GRIK1: variants seen among roughly 807,000 people sequenced by gnomAD.
The protein encoded by GRIK1 is glutamate receptor ionotropic, kainate 1.
GRIK1 carries 69 observed loss-of-function variants against 105.7 expected under a neutral mutation model. The ratio of observed to expected loss-of-function variants is 0.65; its 90% CI spans 0.54 to 0.80. GRIK1 has a LOEUF of 0.80. Among genes scored for constraint, GRIK1 ranks in the 30% least tolerant of loss-of-function variants. GRIK1 has a pLI of 0.00. For synonymous variants in GRIK1, 438 were observed against 431.3 expected (o/e 1.02, Z -0.19); for missense variants, 1,109 against 1,167.3 (o/e 0.95, Z 0.73).
intron 1 of GRIK1, among the ~76,000 whole-genome samples, chr21:29,814,828 T>C (rs2145904556): frequency 6.6e-6 from 1 of 152,208 alleles, no homozygotes; most frequent in Non-Finnish European, 1.5e-5. Context: ...TTTCAAATTT[T>C]TTTATAAAGG....
intron 16 of GRIK1, among the ~76,000 whole-genome samples, chr21:29,542,665 A>G (rs1601067464): frequency 6.6e-6 from 1 of 152,220 alleles, no homozygotes; most frequent in African/African-American, 2.4e-5. Flanking sequence ...CTCATTGTAG[A>G]TTTAGCATTT....
In GRIK1 at chr21:29,642,811, G is replaced by A; in HGVS notation, c.1098+15C>T. Reference sequence around the variant, plus strand: ...GCTCAGAAGGGCCCCTGGGCTGTGAGGGAGCATCACTTGCCTCTTTGATCA... The same window carrying A: ...GCTCAGAAGGGCCCCTGGGCTGTGAAGGAGCATCACTTGCCTCTTTGATCA... On this transcript the variant is annotated intron_variant, in intron 7 of 17. Coordinates refer to ENST00000327783, the MANE Select transcript of GRIK1 (RefSeq NM_001330994.2). 5 of 1,613,268 alleles carry A rather than the reference G, an allele frequency of 3.1e-6. No homozygotes were observed. The South Asian group carries it at 3.3e-5, about 11-fold the overall frequency.
At chr21:29,568,018 T>C (rs1168052548) in intron 14 of GRIK1, among the ~76,000 whole-genome samples, 2 of 152,216 alleles carry the variant, frequency 1.3e-5, no homozygotes, top group Non-Finnish European at 2.9e-5. Flanking sequence ...AAAAAATTTA[T>C]GGATTCCCTT....
intron 1 of GRIK1, among the ~76,000 whole-genome samples, chr21:29,918,909 T>C (rs1484183936): frequency 6.6e-6 from 1 of 151,976 alleles, no homozygotes; most frequent in Non-Finnish European, 1.5e-5. Flanking sequence ...GGCATATTCA[T>C]AGAAGGTGAC....
chr21:29,596,740 G>T lies in GRIK1; in HGVS notation c.1207-170C>A, dbSNP rs1043215001. 11 of 617,686 alleles carry T rather than the reference G, an allele frequency of 1.8e-5. 1 individual carries two copies. The highest frequency in any genetic ancestry group is 1.5e-4 in the African/African-American group (8 of 54,400). The allele number at this position is 617,686 out of a possible 1,614,324, so 38.3% of individuals were successfully genotyped here. On this transcript the variant is annotated intron_variant, in intron 8 of 17. Coordinates refer to ENST00000327783, the MANE Select transcript of GRIK1 (RefSeq NM_001330994.2). Reference sequence around the variant, plus strand: ...AGCCTGACAATAGGTACAGCAAAGAGACGAATCAAGACTTGGGTCTCACAG... The same window carrying T: ...AGCCTGACAATAGGTACAGCAAAGATACGAATCAAGACTTGGGTCTCACAG...
chr21:29,771,042 A>G (rs2065800406), intron 1 of GRIK1, among the ~76,000 whole-genome samples: 1 of 152,216 alleles, frequency 6.6e-6, no homozygotes, highest in Admixed American at 6.5e-5. Flanking sequence ...TTTCTATTAT[A>G]ATTGGTTCTG....
intron 8 of GRIK1, 137 bp downstream of exon 8, chr21:29,598,691 AAG>A (rs1271213248): frequency 7.5e-6 from 4 of 530,484 alleles, no homozygotes; most frequent in Non-Finnish European, 1.3e-5. Flanking sequence ...AGAAAAAAGA[AAG>A]AGAGATAAAA....
intron 1 of GRIK1, among the ~76,000 whole-genome samples, chr21:29,799,523 T>A (rs1601726495): frequency 6.6e-6 from 1 of 150,986 alleles, no homozygotes; most frequent in Non-Finnish European, 1.5e-5. Context: ...TTTTCATTTG[T>A]TTTTTGTTTG....
chr21:29,782,882 T>A (rs1156830380), intron 1 of GRIK1, among the ~76,000 whole-genome samples: 1 of 152,204 alleles, frequency 6.6e-6, no homozygotes, highest in Non-Finnish European at 1.5e-5. Context: ...AATGCTGCAA[T>A]GAACATCCCT....
intron 1 of GRIK1, among the ~76,000 whole-genome samples, chr21:29,913,571 G>A (rs1239226323): frequency 6.6e-6 from 1 of 151,086 alleles, no homozygotes; most frequent in African/African-American, 2.4e-5. Flanking sequence ...GTAAAGACCT[G>A]GAATAGGATA....
chr21:29,606,482 A>G (rs2061619354), intron 7 of GRIK1, among the ~76,000 whole-genome samples: 1 of 152,016 alleles, frequency 6.6e-6, no homozygotes, highest in African/African-American at 2.4e-5. Flanking sequence ...TTTTACAGCA[A>G]GCTTTATCAT....
chr21:29,537,765 A>C, intron 17 of GRIK1, 33 bp downstream of exon 17: 1 of 968,592 alleles, frequency 1.0e-6, no homozygotes, highest in Non-Finnish European at 1.7e-6. Flanking sequence ...AGGCATACGG[A>C]CACTTCAGTA....
intron 8 of GRIK1, 132 bp from the exon 9 acceptor site, chr21:29,596,702 T>G: frequency 1.4e-6 from 1 of 730,788 alleles, no homozygotes; most frequent in Non-Finnish European, 2.5e-6. Context: ...ATTTGCATCT[T>G]AATTCAATAT....
At chr21:29,801,019 C>T (rs192484699) in intron 1 of GRIK1, among the ~76,000 whole-genome samples, 3 of 152,026 alleles carry the variant, frequency 2.0e-5, no homozygotes, top group Admixed American at 6.6e-5. Flanking sequence ...ACAAGAGATC[C>T]GATGGTGGAT....
intron 13 of GRIK1, among the ~76,000 whole-genome samples, chr21:29,580,932 T>A (rs1046155642): frequency 6.6e-6 from 1 of 152,170 alleles, no homozygotes; most frequent in African/African-American, 2.4e-5. Flanking sequence ...GGTTACCAAT[T>A]GAGGGAGATT....
chr21:29,759,563 A>G (rs911914105), intron 1 of GRIK1, among the ~76,000 whole-genome samples: 3 of 152,240 alleles, frequency 2.0e-5, no homozygotes, highest in African/African-American at 4.8e-5. Flanking sequence ...CATAGATTAT[A>G]CTATCAGCAG....
intron 1 of GRIK1, among the ~76,000 whole-genome samples, chr21:29,697,928 C>CTTTTTCTT (rs1555874556): frequency 6.9e-6 from 1 of 145,864 alleles, no homozygotes; most frequent in Non-Finnish European, 1.5e-5. Flanking sequence ...CTCTCTCTCT[C>CTTTTTCTT]TCTTTCTTTC....
chr21:29,745,184 T>C (rs895637536), intron 1 of GRIK1, among the ~76,000 whole-genome samples: 3 of 152,234 alleles, frequency 2.0e-5, no homozygotes, highest in Admixed American at 6.5e-5. Flanking sequence ...AAGGCTCATA[T>C]GGCAAGGGAC....
chr21:29,753,166 G>A (rs531439437), intron 1 of GRIK1, among the ~76,000 whole-genome samples: 25 of 152,312 alleles, frequency 1.6e-4, no homozygotes, highest in Non-Finnish European at 2.9e-4. Flanking sequence ...TTGGCCCACT[G>A]TGTAATAACA....
Sources: gnomAD v4.1 joint callset for allele counts (sites outside exome capture counted in the v4.1 genomes callset) on GRCh38, gnomAD v4.1.1 for gene constraint, MANE v1.5 for transcripts, NCBI Gene and HGNC (gene_info 2026-07-23, HGNC 2026-07-21) for gene names.